Variants in ANO2 observed in about 807,000 individuals in gnomAD.
ANO2 encodes anoctamin 2.
Under a neutral mutation model 124.2 loss-of-function variants are expected in ANO2, and 101 were observed. The observed-to-expected ratio is 0.81, with a 90% CI of 0.69 to 0.96. The LOEUF (loss-of-function observed/expected upper bound fraction) is 0.96, where lower values mean the gene tolerates loss of function less well. ANO2 is among the 40% of genes least tolerant of loss of function. The probability of loss-of-function intolerance (pLI) is 0.00; values close to 1 mark genes in which losing one functional copy is unlikely to be tolerated. For missense variants in ANO2, 1,293 were observed against 1,274.5 expected, an observed-to-expected ratio of 1.01 and a Z score of -0.22; for synonymous variants, 486 against 482.5, an observed-to-expected ratio of 1.01 and a Z score of -0.09.
intron 14 of ANO2, among the ~76,000 whole-genome samples, chr12:5,664,490 T>G (rs1947605960): frequency 6.6e-6 from 1 of 152,246 alleles, no homozygotes; most frequent in South Asian, 2.1e-4. Flanking sequence ...ATTTCATTTA[T>G]TCCTCTCAAT....
chr12:5,829,849 C>T (rs937470551), intron 6 of ANO2, among the ~76,000 whole-genome samples: 1 of 152,150 alleles, frequency 6.6e-6, no homozygotes, highest in Admixed American at 6.5e-5. Context: ...GAAGGCAAAA[C>T]GACTGTAGAA....
At chr12:5,668,793 T>C (rs1301506621) in intron 14 of ANO2, among the ~76,000 whole-genome samples, 2 of 152,222 alleles carry the variant, frequency 1.3e-5, no homozygotes, top group African/African-American at 4.8e-5. Context: ...CACCATTTAT[T>C]AAATAGGGAA....
chr12:5,715,790 C>T lies in ANO2; in HGVS notation c.1545+16730G>A, dbSNP rs912182398. On this transcript the variant is annotated intron_variant, in intron 14 of 24. Coordinates refer to ENST00000682330, the MANE Select transcript of ANO2 (RefSeq NM_001364791.2). ...CATGGGCAAAGAGGAACCCAGAAAC[C>T]GAATAAAGATCTTGAGCTTCTGGTA... Among the ~76,000 whole-genome samples the T allele has an allele frequency of 3.3e-5, 5 of 152,248 alleles. No homozygotes were observed. The East Asian group carries it at 5.8e-4, about 18-fold the overall frequency.
chr12:5,825,614 T>C (rs1391007337), intron 7 of ANO2, among the ~76,000 whole-genome samples: 1 of 152,206 alleles, frequency 6.6e-6, no homozygotes, highest in Non-Finnish European at 1.5e-5. Flanking sequence ...TTTGGGCTCC[T>C]CCTACCTTTA....
chr12:5,644,477 A>G (rs944332456), intron 15 of ANO2, among the ~76,000 whole-genome samples: 7 of 152,210 alleles, frequency 4.6e-5, no homozygotes, highest in African/African-American at 1.7e-4. Flanking sequence ...TAAATCTTAA[A>G]ATCAGTTTAT....
intron 7 of ANO2, among the ~76,000 whole-genome samples, chr12:5,812,331 G>GGAGGGA (rs1565687698): frequency 7.2e-6 from 1 of 138,428 alleles, no homozygotes; most frequent in African/African-American, 2.8e-5. Flanking sequence ...GAGGGAGGGA[G>GGAGGGA]GGAAGGAGGG....
At chr12:5,584,492 T>A (rs905525107) in intron 20 of ANO2, among the ~76,000 whole-genome samples, 1 of 152,174 alleles carries the variant, frequency 6.6e-6, no homozygotes, top group Non-Finnish European at 1.5e-5. Context: ...AAGGGAATCA[T>A]GGAAGGACAC....
Position 5,827,786 on chromosome 12 carries a change from C to G in ANO2, c.875G>C (p.Arg292Pro), listed in dbSNP as rs780794240. 5.0e-6 allele frequency: 8 copies of G among 1,611,628 alleles called. No homozygotes were observed. The highest frequency in any genetic ancestry group is 5.1e-6 in the Non-Finnish European group (6 of 1,179,054). ...HEILKRTACS[R>P]ANNTMGINSL... ...GTCCTTACCCATCGTGTTGTTGGCT[C>G]GGGAGCAGGCTGTGCGCTTCAGGAT... Residue 292 changes from arginine (R) to proline (P), a missense_variant, in exon 7 of 25, where the codon CGA becomes CCA. Transcript: ENST00000682330.
intron 16 of ANO2, among the ~76,000 whole-genome samples, chr12:5,630,203 C>A (rs932256317): frequency 6.6e-6 from 1 of 152,206 alleles, no homozygotes; most frequent in South Asian, 2.1e-4. Flanking sequence ...ATACTCACAG[C>A]CTCCTCAACT....
chr12:5,873,872 C>CAGCCTCGCAGTCCTTTAGAGG (rs1937910912), intron 3 of ANO2, among the ~76,000 whole-genome samples: 1 of 152,256 alleles, frequency 6.6e-6, no homozygotes, highest in Admixed American at 6.5e-5. Context: ...GGGCTAGTGG[C>CAGCCTCGCAGTCCTTTAGAGG]AGCCTCGCAG....
chr12:5,919,698 C>CT (rs1941583478), intron 3 of ANO2, among the ~76,000 whole-genome samples: 1 of 100,788 alleles, frequency 9.9e-6, no homozygotes, highest in African/African-American at 3.1e-5. Context: ...AAGGGAAGGT[C>CT]ATTTTTTTTT....
At chr12:5,607,720 C>T (rs4930770) in intron 19 of ANO2, among the ~76,000 whole-genome samples, 35,991 of 152,002 alleles carry the variant, frequency 0.24, 5,230 homozygotes, top group Admixed American at 0.34. Context: ...CTCACAGGAG[C>T]GTGAACCCTA....
chr12:5,607,452 A>G (rs545176549), intron 19 of ANO2, among the ~76,000 whole-genome samples: 1 of 150,086 alleles, frequency 6.7e-6, no homozygotes, highest in South Asian at 2.1e-4. Context: ...AGATGGCAAT[A>G]TTTCTAGAAT....
rs907432256 is a variant in ANO2 at position 5,925,866 on chromosome 12, G to A, written c.23-3062C>T. On this transcript the variant is annotated intron_variant, in intron 1 of 24. Transcript: ENST00000682330. The surrounding 1 kb of genome is among the most constrained non-coding windows in gnomAD (Gnocchi z 4.6). ...GGCTGGGGCCTGGGCCTTTCTCCAC[G>A]TTCCAGCTCTCTCCCTGGGCACTCT... is the stretch of plus-strand genomic sequence containing the variant. Among the ~76,000 whole-genome samples, 4 of 152,190 alleles carry A rather than the reference G, an allele frequency of 2.6e-5. No homozygotes were observed. Among genetic ancestry groups the A allele is most frequent in the African/African-American group, 4.8e-5 (2 of 41,446 alleles).
chr12:5,724,035 C>G (rs1212006270), intron 14 of ANO2, among the ~76,000 whole-genome samples: 2 of 152,078 alleles, frequency 1.3e-5, no homozygotes, highest in Non-Finnish European at 2.9e-5. Context: ...TGCAGGCGTA[C>G]AGGAGAGAAC....
intron 14 of ANO2, among the ~76,000 whole-genome samples, chr12:5,703,280 A>G (rs763373733): frequency 6.6e-5 from 10 of 152,244 alleles, no homozygotes; most frequent in Non-Finnish European, 1.3e-4. Context: ...GAAGTTTACA[A>G]ACTGCAAAAA....
At chr12:5,647,954 T>A (rs186638800) in intron 14 of ANO2, among the ~76,000 whole-genome samples, 153 bp from the exon 15 acceptor site, 1 of 152,358 alleles carries the variant, frequency 6.6e-6, no homozygotes, top group East Asian at 1.9e-4. Context: ...TATCAACAAC[T>A]GCCCTTCTAA....
chr12:5,762,030 T>C (rs1951757967), intron 10 of ANO2, among the ~76,000 whole-genome samples: 1 of 152,124 alleles, frequency 6.6e-6, no homozygotes, highest in Non-Finnish European at 1.5e-5. Context: ...AACAAGTAAA[T>C]TAAATAGATG....
rs79048434 is a variant in ANO2, at chr12:5,592,484, C to A, written c.2233+7000G>T. ...AGAGTGTGAGATAACCAGATACACA[C>A]ACGCGGGCCTGCAAGAAGATGCAAA... On this transcript the variant is annotated intron_variant, in intron 20 of 24. Coordinates refer to ENST00000682330, the MANE Select transcript of ANO2 (RefSeq NM_001364791.2). Among the ~76,000 whole-genome samples, 112 of 152,256 alleles carry A rather than the reference C, an allele frequency of 7.4e-4. 2 individuals carry two copies. In the East Asian group the frequency reaches 0.02, roughly 27 times the overall value.
Sources: allele counts gnomAD v4.1 joint callset (sites outside exome capture counted in the v4.1 genomes callset), GRCh38; gene constraint gnomAD v4.1.1; non-coding constraint Gnocchi (gnomAD v3.1); transcripts MANE v1.5; gene names NCBI Gene and HGNC (gene_info 2026-07-23, HGNC 2026-07-21).